MLYCD: variants seen among roughly 807,000 people sequenced by gnomAD.
The protein encoded by MLYCD is malonyl-CoA decarboxylase, mitochondrial.
MLYCD carries 27 observed loss-of-function variants against 35.8 expected under a neutral mutation model. That is an observed-to-expected ratio of 0.75 (90% CI 0.56 to 1.04). The LOEUF is 1.04. Ranked by LOEUF, MLYCD falls within the 50% of genes least tolerant of loss-of-function variation. The pLI, the probability that MLYCD is intolerant of heterozygous loss-of-function variation, is 0.00. For missense variants in MLYCD, 917 were observed against 665.1 expected (o/e 1.38, Z -4.17); for synonymous variants, 403 against 302.4 (o/e 1.33, Z -3.45).
In MLYCD at chr16:83,922,671, A is replaced by G. The variant is rs1907692808; in HGVS notation, c.*7182A>G. 6.6e-6 allele frequency: 1 copy of G among 152,290 alleles called. No individual in the cohort carries two copies. The highest frequency in any genetic ancestry group is 1.5e-5 in the Non-Finnish European group (1 of 68,074). 9.4% of individuals were successfully genotyped at this position (152,290 alleles called of 1,614,324 possible). A position where few individuals can be genotyped will look rare whatever the true frequency, so the allele number is the denominator to read the frequency against. On this transcript the variant is annotated 3_prime_UTR_variant, in exon 5 of 5. Coordinates refer to ENST00000262430, the MANE Select transcript of MLYCD (RefSeq NM_012213.3). ...CTGAGAGGCTCAAAGGAGACGATGT[A>G]TATAAAGCAGTTAACTGATGCCTGC...
At chr16:83,914,005 AAAGT>A (rs1344323019) in intron 4 of MLYCD, 1 of 152,320 alleles carries the variant, frequency 6.6e-6, no homozygotes, top group Admixed American at 6.5e-5. Flanking sequence ...TGCAAAATAT[AAAGT>A]AAGTGTCTCA....
At chr16:83,903,902 A>G (rs904035137) in intron 1 of MLYCD, among the ~76,000 whole-genome samples, 7 of 152,184 alleles carry the variant, frequency 4.6e-5, no homozygotes, top group African/African-American at 1.2e-4. Flanking sequence ...ACGCACGTAC[A>G]GTTGCAGAGG....
At chr16:83,911,223 C>A (rs950386821) in intron 3 of MLYCD, among the ~76,000 whole-genome samples, 1 of 152,250 alleles carries the variant, frequency 6.6e-6, no homozygotes, top group East Asian at 1.9e-4. Context: ...CGTGATCTGC[C>A]CGCCTCGGCC....
rs774831218 is a variant in MLYCD at position 83,908,229 on chromosome 16, C to T, written c.745C>T (p.Pro249Ser). Residue 249 changes from proline to serine, a missense_variant, in exon 3 of 5, where the codon CCC (proline) becomes TCC (serine). By Grantham distance (74) the Pro-to-Ser change is moderately conservative (BLOSUM62 -1). Coordinates refer to ENST00000262430, the MANE Select transcript of MLYCD (RefSeq NM_012213.3). ...TTCTCACTGTTCGACCCCTGGGGAG[C>T]CCCTGGTCGTTTTGCACGTGGCACT... Reference protein sequence around the residue: ...FFSHCSTPGEPLVVLHVALTG... With the variant: ...FFSHCSTPGESLVVLHVALTG... The T allele has an allele frequency of 8.7e-6, 14 of 1,614,086 alleles. No individual in the cohort carries two copies. The highest frequency in any genetic ancestry group is 1.2e-5 in the Non-Finnish European group (14 of 1,180,038).
rs1175983482 is a variant in MLYCD at position 83,899,507 on chromosome 16, G to C, written c.363G>C (p.Val121=). The change falls in exon 1 of 5, where the codon GTG becomes GTC. Residue 121 remains valine, a synonymous_variant. Coordinates refer to ENST00000262430, the MANE Select transcript of MLYCD (RefSeq NM_012213.3). ...HLRQQQREAA[V]LLQAEDRLRY... is the part of the protein sequence containing the mutation. ...GCCAGCAGCAGCGGGAGGCGGCGGT[G>C]CTGCTGCAGGCCGAGGACCGGCTGC... 6.3e-7 allele frequency: 1 copy of C among 1,580,192 alleles called. No homozygotes were observed. Among genetic ancestry groups the C allele is most frequent in the East Asian group, 2.3e-5 (1 of 42,772 alleles).
intron 3 of MLYCD, chr16:83,911,666 CA>C (rs1907184101): frequency 1.3e-5 from 2 of 156,436 alleles, no homozygotes; most frequent in Admixed American, 6.2e-5. Flanking sequence ...AGAAATGGCA[CA>C]AAACCCAAAA....
At chr16:83,901,341 T>C (rs1906778866) in intron 1 of MLYCD, among the ~76,000 whole-genome samples, 1 of 152,314 alleles carries the variant, frequency 6.6e-6, no homozygotes, top group East Asian at 1.9e-4. Context: ...GGGAAACTTG[T>C]CTTTAAATTT....
Position 83,915,902 on chromosome 16 carries a change from G to C in MLYCD, c.*413G>C. On this transcript the variant is annotated 3_prime_UTR_variant, in exon 5 of 5. Transcript: ENST00000262430. ...CAGATAAGAATAGGTGTTCCTTTGT[G>C]CTCATAAAACAGAATGCGGCGATGG... 1 of 1,113,738 alleles carries C rather than the reference G, an allele frequency of 9.0e-7. No individual in the cohort carries two copies. 69.0% of individuals were successfully genotyped at this position (1,113,738 alleles called of 1,614,324 possible). A position where few individuals can be genotyped will look rare whatever the true frequency, so the allele number is the denominator to read the frequency against.
At position 83,915,284 on chromosome 16, in the gene MLYCD, A is replaced by AC; in HGVS notation, c.1278dup (p.Gly427ArgfsTer52). On this transcript the variant is annotated frameshift_variant, in exon 5 of 5. Transcript: ENST00000262430. LOFTEE classifies it high-confidence loss of function. ...CCCGTGGCCAACTTCCACCTGCAGA[A>AC]CGGGGCGGTGCTGTGGCGCATCAAC... 1 of 1,612,824 alleles carries AC rather than the reference A, an allele frequency of 6.2e-7. No individual in the cohort carries two copies. Among genetic ancestry groups the AC allele is most frequent in the South Asian group, 1.1e-5 (1 of 91,072 alleles).
At chr16:83,911,336 A>G (rs140604611) in intron 3 of MLYCD, among the ~76,000 whole-genome samples, 3 of 152,352 alleles carry the variant, frequency 2.0e-5, no homozygotes, top group East Asian at 1.9e-4. Context: ...GACCTCATCT[A>G]TGCAGTCTGA....
Position 83,926,635 on chromosome 16 carries a change from A to G in MLYCD, c.*11146A>G, listed in dbSNP as rs1306053590. 6.6e-6 allele frequency: 1 copy of G among 152,240 alleles called. No homozygotes were observed. The highest frequency in any genetic ancestry group is 1.5e-5 in the Non-Finnish European group (1 of 68,052). 9.4% of individuals were successfully genotyped at this position (152,240 alleles called of 1,614,324 possible). On this transcript the variant is annotated 3_prime_UTR_variant, in exon 5 of 5. Coordinates refer to ENST00000262430, the MANE Select transcript of MLYCD (RefSeq NM_012213.3). ...GGACACCTCCGATTTCGTCCTGTGA[A>G]TGTTGATATTAGTGGTCCCTTCCTT...
chr16:83,899,796 C>A, intron 1 of MLYCD, 124 bp downstream of exon 1: 1 of 1,203,944 alleles, frequency 8.3e-7, no homozygotes. Flanking sequence ...TCACTTCGCC[C>A]GCAGTTACCG....
rs1907435273 is a variant in MLYCD at position 83,917,071 on chromosome 16, T to C, written c.*1582T>C. 1 of 46,772 alleles carries C rather than the reference T, an allele frequency of 2.1e-5. No individual in the cohort carries two copies. The highest frequency in any genetic ancestry group is 6.8e-5 in the African/African-American group (1 of 14,614). 2.9% of individuals were successfully genotyped at this position (46,772 alleles called of 1,614,324 possible). On this transcript the variant is annotated 3_prime_UTR_variant, in exon 5 of 5. Coordinates refer to ENST00000262430, the MANE Select transcript of MLYCD (RefSeq NM_012213.3). ...GTCTCTGTGTGGATCAGTGCACGTC[T>C]GTGTGCGTGTGCACGAGCGTCTCTG...
At chr16:83,912,184 G>C (rs775387337) in intron 3 of MLYCD, 34 bp from the exon 4 acceptor site, 1 of 1,614,080 alleles carries the variant, frequency 6.2e-7, no homozygotes, top group East Asian at 2.2e-5. Flanking sequence ...AGAGCGGCCA[G>C]GCCACCCTTA....
At chr16:83,914,913 G>A in intron 4 of MLYCD, 43 bp from the exon 5 acceptor site, 1 of 1,613,908 alleles carries the variant, frequency 6.2e-7, no homozygotes, top group Non-Finnish European at 8.5e-7. Context: ...TGCTGAATTT[G>A]TGTTTTCTCC....
chr16:83,919,270 G>A lies in MLYCD; in HGVS notation c.*3781G>A, dbSNP rs572296351. On this transcript the variant is annotated 3_prime_UTR_variant, in exon 5 of 5. Transcript: ENST00000262430. The stretch of plus-strand genomic sequence containing the variant: ...AGGAGACCATGCACAGTGCACAGGA[G>A]AATACACATGGTGCACAGCAGAATT... 2.8e-5 allele frequency: 4 copies of A among 145,438 alleles called. No homozygotes were observed. The highest frequency in any genetic ancestry group is 7.8e-5 in the African/African-American group (3 of 38,430). 9.0% of individuals were successfully genotyped at this position (145,438 alleles called of 1,614,324 possible).
intron 3 of MLYCD, among the ~76,000 whole-genome samples, chr16:83,908,954 G>C (rs1907077447): frequency 6.6e-6 from 1 of 152,232 alleles, no homozygotes; most frequent in African/African-American, 2.4e-5. Context: ...GAGGACATGA[G>C]TGGCTGTTAG....
rs1555538216 is a variant in MLYCD at position 83,906,967 on chromosome 16, A to G, written c.529-20A>G. ...ATCTGTCGCACATTGGAGGCCTGGGATTTATCTTCTCCTTTTCAGGAAATG... is the reference window on the plus strand; with the variant it reads ...ATCTGTCGCACATTGGAGGCCTGGGGTTTATCTTCTCCTTTTCAGGAAATG... On this transcript the variant is annotated intron_variant, in intron 1 of 4. Coordinates refer to ENST00000262430, the MANE Select transcript of MLYCD (RefSeq NM_012213.3). 1 of 1,606,338 alleles carries G rather than the reference A, an allele frequency of 6.2e-7. No individual in the cohort carries two copies. Among genetic ancestry groups the G allele is most frequent in the Non-Finnish European group, 8.5e-7 (1 of 1,173,026 alleles).
intron 2 of MLYCD, among the ~76,000 whole-genome samples, chr16:83,907,418 G>C (rs1017866831): frequency 3.9e-5 from 6 of 152,204 alleles, no homozygotes; most frequent in South Asian, 2.1e-4. Context: ...CAGAGTTGTA[G>C]AAACTCACTG....
Sources: gnomAD v4.1 joint callset for allele counts (sites outside exome capture counted in the v4.1 genomes callset) on GRCh38, gnomAD v4.1.1 for gene constraint, MANE v1.5 for transcripts, NCBI Gene and HGNC (gene_info 2026-07-23, HGNC 2026-07-21) for gene names.